COPG2: variants seen among roughly 807,000 people sequenced by gnomAD.
COPG2 encodes coatomer subunit gamma-2.
Under a neutral mutation model 46.3 loss-of-function variants are expected in COPG2, and 37 were observed. The observed-to-expected ratio is 0.80, with a 90% CI of 0.61 to 1.05. COPG2 has a LOEUF of 1.05. COPG2 is among the 50% of genes least tolerant of loss of function. The probability of loss-of-function intolerance (pLI) is 0.00; values close to 1 mark genes in which losing one functional copy is unlikely to be tolerated. For synonymous variants in COPG2, 159 were observed against 129.7 expected (o/e 1.23, Z -1.53); for missense variants, 427 against 387.8 (o/e 1.10, Z -0.85).
intron 20 of COPG2, among the ~76,000 whole-genome samples, chr7:130,541,050 G>A (rs1044029169): frequency 6.6e-6 from 1 of 152,216 alleles, no homozygotes; most frequent in African/African-American, 2.4e-5. Context: ...GGAGAGCCGG[G>A]CAGACACGTG....
intron 17 of COPG2, among the ~76,000 whole-genome samples, chr7:130,550,074 T>A (rs1052600166): frequency 0.14 from 21,910 of 152,082 alleles, 2,871 homozygotes; most frequent in African/African-American, 0.35. Context: ...GAGTTTTTTT[T>A]AAACTCTAAT....
chr7:130,540,254 TA>T (rs1239835280), intron 20 of COPG2, among the ~76,000 whole-genome samples: 1 of 152,020 alleles, frequency 6.6e-6, no homozygotes, highest in Non-Finnish European at 1.5e-5. Flanking sequence ...CAGGCTGGGG[TA>T]GCCGTCTAAA....
intron 20 of COPG2, among the ~76,000 whole-genome samples, chr7:130,535,061 G>A (rs1799865610): frequency 6.6e-6 from 1 of 152,182 alleles, no homozygotes; most frequent in Non-Finnish European, 1.5e-5. Context: ...TGAAAAGAAG[G>A]TGGGATAGAG....
intron 20 of COPG2, among the ~76,000 whole-genome samples, chr7:130,516,896 G>A (rs1207010206): frequency 1.3e-5 from 2 of 152,172 alleles, no homozygotes; most frequent in East Asian, 3.9e-4. Flanking sequence ...AGAATCCTAT[G>A]AAAGTGTAGG....
Position 130,557,066 on chromosome 7 carries a change from A to T in COPG2, c.1129-1934T>A, listed in dbSNP as rs956696977. Among the ~76,000 whole-genome samples, 16 of 152,308 alleles carry T rather than the reference A, an allele frequency of 1.1e-4. No homozygotes were observed. The South Asian group carries it at 3.3e-3, about 32-fold the overall frequency. On this transcript the variant is annotated intron_variant, in intron 12 of 23. Transcript: ENST00000425248. ...AACAAGAATCGGAGAAGACAAAACA[A>T]ACAAAAATATCTTTATTTTTAGATG...
At chr7:130,513,802 T>C (rs1212232512) in intron 20 of COPG2, among the ~76,000 whole-genome samples, 3 of 152,098 alleles carry the variant, frequency 2.0e-5, no homozygotes, top group Non-Finnish European at 4.4e-5. Context: ...CACAAGATGA[T>C]AGCTGAAAAA....
At chr7:130,666,637 G>A (rs1241936571) in intron 3 of COPG2, among the ~76,000 whole-genome samples, 1 of 152,126 alleles carries the variant, frequency 6.6e-6, no homozygotes, top group African/African-American at 2.4e-5. Context: ...AACACTTCTG[G>A]TTCCGAGCAT....
intron 6 of COPG2, 70 bp downstream of exon 6, chr7:130,616,920 T>G: frequency 2.1e-6 from 2 of 967,724 alleles, no homozygotes; most frequent in Non-Finnish European, 3.2e-6. Context: ...GAAATCCTAC[T>G]AAATCTACAT....
At position 130,532,161 on chromosome 7, in the gene COPG2, G is replaced by A. The variant is rs1300644094; in HGVS notation, c.2149+15513C>T. Reference sequence around the variant, plus strand: ...ATCAGGGTCAAGACTGTCAGGTGTGGGAACATAGTTCCCGACAGACCAGGA... The same window carrying A: ...ATCAGGGTCAAGACTGTCAGGTGTGAGAACATAGTTCCCGACAGACCAGGA... On this transcript the variant is annotated intron_variant, in intron 20 of 23. Transcript: ENST00000425248. 7.5e-4 allele frequency among the ~76,000 whole-genome samples: 114 copies of A among 152,226 alleles called. No individual in the cohort carries two copies. The East Asian group carries it at 0.014, about 18-fold the overall frequency.
intron 5 of COPG2, among the ~76,000 whole-genome samples, chr7:130,620,953 G>C (rs1554453546): frequency 6.6e-6 from 1 of 152,106 alleles, no homozygotes; most frequent in African/African-American, 2.4e-5. Context: ...ACTTTATATG[G>C]CAAAAGGTAC....
At chr7:130,541,184 C>A (rs2116371057) in intron 20 of COPG2, among the ~76,000 whole-genome samples, 1 of 152,198 alleles carries the variant, frequency 6.6e-6, no homozygotes, top group East Asian at 1.9e-4. Flanking sequence ...ATGGATGTAG[C>A]CGAAAAGGCA....
intron 9 of COPG2, among the ~76,000 whole-genome samples, chr7:130,591,572 C>T (rs1310733916): frequency 6.7e-5 from 9 of 133,350 alleles, no homozygotes; most frequent in South Asian, 2.6e-4. Context: ...CCCCTCTGCC[C>T]GGCCAGCCGC....
At position 130,547,701 on chromosome 7, in the gene COPG2, G is replaced by C; in HGVS notation, c.2122C>G (p.Arg708Gly). ...NQPGICYTLV[R>G]LPDDDPTAVA... ...GCTGTAGGGTCATCATCAGGCAAAC[G>C]AACAAGAGTGTAACATATTCCTGGT... Residue 708 changes from arginine (R) to glycine (G), a missense_variant, in exon 20 of 24, where the codon CGT (arginine) becomes GGT (glycine). By Grantham distance (125) the Arg-to-Gly change is moderately radical. Coordinates refer to ENST00000425248, the MANE Select transcript of COPG2 (RefSeq NM_012133.6). The C allele has an allele frequency of 2.5e-6, 1 of 398,546 alleles. No individual in the cohort carries two copies. The highest frequency in any genetic ancestry group is 4.4e-6 in the Non-Finnish European group (1 of 226,050). 24.7% of individuals were successfully genotyped at this position (398,546 alleles called of 1,614,324 possible). A position where few individuals can be genotyped will look rare whatever the true frequency, so the allele number is the denominator to read the frequency against.
intron 5 of COPG2, among the ~76,000 whole-genome samples, chr7:130,623,308 T>C (rs1554453889): frequency 6.6e-6 from 1 of 152,200 alleles, no homozygotes; most frequent in African/African-American, 2.4e-5. Context: ...GTCTATTCCA[T>C]GGGTCTAATT....
chr7:130,559,261 C>G (rs1793680043), intron 12 of COPG2, among the ~76,000 whole-genome samples: 1 of 152,196 alleles, frequency 6.6e-6, no homozygotes, highest in African/African-American at 2.4e-5. Flanking sequence ...ATTGCAGCTT[C>G]TGCCAACACC....
At chr7:130,649,094 A>G (rs1341934487) in intron 5 of COPG2, among the ~76,000 whole-genome samples, 1 of 152,236 alleles carries the variant, frequency 6.6e-6, no homozygotes, top group Admixed American at 6.5e-5. Context: ...TCTTGCCTAG[A>G]TAATCCCATC....
At chr7:130,608,259 ATAC>A (rs1554451570) in intron 9 of COPG2, 2 of 448,988 alleles carry the variant, frequency 4.5e-6, no homozygotes, top group South Asian at 3.4e-5. Flanking sequence ...CATGCCCTTT[ATAC>A]TACTATTTTC....
At chr7:130,603,951 T>C (rs1249989001) in intron 9 of COPG2, 2 of 450,874 alleles carry the variant, frequency 4.4e-6, no homozygotes, top group African/African-American at 4.0e-5. Context: ...ATATGTAATA[T>C]ATATTGTATT....
intron 8 of COPG2, 124 bp from the exon 9 acceptor site, chr7:130,611,234 A>G (rs1168919858): frequency 2.3e-6 from 2 of 867,960 alleles, no homozygotes; most frequent in Non-Finnish European, 3.4e-6. Flanking sequence ...CATGTACACA[A>G]ATATTTTTTT....
Sources: allele counts gnomAD v4.1 joint callset (sites outside exome capture counted in the v4.1 genomes callset), GRCh38; gene constraint gnomAD v4.1.1; transcripts MANE v1.5; gene names NCBI Gene and HGNC (gene_info 2026-07-23, HGNC 2026-07-21).